Variants in ATP6V1D observed in about 807,000 individuals in gnomAD.
ATP6V1D encodes the protein V-type proton ATPase subunit D.
A neutral mutation model predicts 39.4 loss-of-function variants in ATP6V1D; 20 were observed. The ratio of observed to expected loss-of-function variants is 0.51; its 90% CI spans 0.36 to 0.74. The LOEUF is 0.74. Among genes scored for constraint, ATP6V1D ranks in the 30% least tolerant of loss-of-function variants. The pLI is 0.00. For synonymous variants in ATP6V1D, 100 were observed against 100.5 expected (o/e 0.99, Z 0.03); for missense variants, 228 against 291.6 (o/e 0.78, Z 1.59).
At chr14:67,353,513 A>C (rs980088597) in intron 1 of ATP6V1D, among the ~76,000 whole-genome samples, 2 of 151,888 alleles carry the variant, frequency 1.3e-5, no homozygotes, top group African/African-American at 4.8e-5. Context: ...TTTGAGATGG[A>C]GTCTCACTGT....
At chr14:67,354,398 TAATA>T (rs2085672792) in intron 1 of ATP6V1D, among the ~76,000 whole-genome samples, 3 of 152,230 alleles carry the variant, frequency 2.0e-5, no homozygotes, top group African/African-American at 7.2e-5. Flanking sequence ...ATCTATCCAC[TAATA>T]TATATCAAAA....
intron 3 of ATP6V1D, 53 bp from the exon 4 acceptor site, chr14:67,349,157 C>T (rs1337862464): frequency 6.5e-7 from 1 of 1,527,644 alleles, no homozygotes; most frequent in Non-Finnish European, 9.1e-7. Context: ...AATAAACCTA[C>T]AGGGACCCAC....
At chr14:67,341,677 G>C (rs886478905) in intron 7 of ATP6V1D, among the ~76,000 whole-genome samples, 26 of 152,346 alleles carry the variant, frequency 1.7e-4, no homozygotes, top group African/African-American at 5.8e-4. Flanking sequence ...ACCCCGTCTG[G>C]GAGGTGTACC....
chr14:67,340,164 T>A (rs953654125), intron 8 of ATP6V1D: 9 of 331,312 alleles, frequency 2.7e-5, no homozygotes, highest in African/African-American at 1.9e-4. Flanking sequence ...CTACTGCATT[T>A]GACTATCTTA....
At chr14:67,339,856 T>C (rs1417643198) in intron 8 of ATP6V1D, among the ~76,000 whole-genome samples, 3 of 152,134 alleles carry the variant, frequency 2.0e-5, no homozygotes, top group African/African-American at 7.2e-5. Context: ...CCCAGCACTT[T>C]GGCAGGCCAA....
At chr14:67,350,469 G>A (rs2085648524) in intron 3 of ATP6V1D, 142 bp downstream of exon 3, 3 of 600,084 alleles carry the variant, frequency 5.0e-6, no homozygotes, top group Non-Finnish European at 8.3e-6. Flanking sequence ...TTAAGGTGAT[G>A]GGGTTAAAAG....
intron 7 of ATP6V1D, among the ~76,000 whole-genome samples, chr14:67,342,874 A>C (rs1299230489): frequency 6.6e-6 from 1 of 152,138 alleles, no homozygotes; most frequent in Non-Finnish European, 1.5e-5. Context: ...TATTGAGCAA[A>C]AAGTACCATC....
rs2085714615 is a variant in ATP6V1D at position 67,359,647 on chromosome 14, C to T, written c.41+11G>A. ...ACCTGTGAAAGCGGCTTATCCCATT[C>T]CTTTACTTACATTCGCGAGGGAAAG... On this transcript the variant is annotated intron_variant, in intron 1 of 8. Transcript: ENST00000216442. 2 of 1,613,970 alleles carry T rather than the reference C, an allele frequency of 1.2e-6. No homozygotes were observed. Among genetic ancestry groups the T allele is most frequent in the Admixed American group, 1.7e-5 (1 of 59,996 alleles).
At position 67,338,333 on chromosome 14, in the gene ATP6V1D, T is replaced by C. The variant is rs1214614758; in HGVS notation, c.*288A>G. 3.9e-6 allele frequency: 1 copy of C among 257,988 alleles called. No individual in the cohort carries two copies. Among genetic ancestry groups the C allele is most frequent in the African/African-American group, 2.2e-5 (1 of 45,068 alleles). 16.0% of individuals were successfully genotyped at this position (257,988 alleles called of 1,614,324 possible). On this transcript the variant is annotated 3_prime_UTR_variant, in exon 9 of 9. Coordinates refer to ENST00000216442, the MANE Select transcript of ATP6V1D (RefSeq NM_015994.4). ...CCTAAGAGGTATTTCCTAATATGCT[T>C]GGTAAGCAGATCACGTGTAACACAG...
At position 67,338,408 on chromosome 14, in the gene ATP6V1D, C is replaced by T. The variant is rs2085555554; in HGVS notation, c.*213G>A. On this transcript the variant is annotated 3_prime_UTR_variant, in exon 9 of 9. Transcript: ENST00000216442. The stretch of plus-strand genomic sequence containing the variant: ...TCTGCAAAGTAAATTCTGTAAGTTC[C>T]TGGGCAGGTTTTACAGATCTCTTTC... 1 of 504,042 alleles carries T rather than the reference C, an allele frequency of 2.0e-6. No homozygotes were observed. The highest frequency in any genetic ancestry group is 3.6e-5 in the Admixed American group (1 of 27,616). The allele number at this position is 504,042 out of a possible 1,614,324, so 31.2% of individuals were successfully genotyped here.
intron 7 of ATP6V1D, among the ~76,000 whole-genome samples, chr14:67,340,909 C>T (rs960015232): frequency 4.6e-5 from 7 of 152,262 alleles, no homozygotes; most frequent in Admixed American, 1.3e-4. Context: ...CTCCTAACTG[C>T]GAGTGATCCG....
At chr14:67,359,632 G>A (rs371366480) in intron 1 of ATP6V1D, 26 bp downstream of exon 1, 155 of 1,613,604 alleles carry the variant, frequency 9.6e-5, no homozygotes, top group Non-Finnish European at 1.2e-4. Flanking sequence ...ACCTGTGAAA[G>A]CGGCTTATCC....
chr14:67,351,748 T>G (rs569172003), intron 2 of ATP6V1D, among the ~76,000 whole-genome samples: 11 of 152,200 alleles, frequency 7.2e-5, no homozygotes, highest in African/African-American at 2.2e-4. Flanking sequence ...CTCAAATTCC[T>G]GGGCTCAAAC....
Position 67,347,448 on chromosome 14 carries a change from T to C in ATP6V1D, c.313A>G (p.Thr105Ala). 2.5e-6 allele frequency: 4 copies of C among 1,607,004 alleles called. No homozygotes were observed. Among genetic ancestry groups the C allele is most frequent in the Non-Finnish European group, 3.4e-6 (4 of 1,174,736 alleles). ...TGGTAATGTTCAAATACTGGCAAAG[T>C]AACACCTGTTAAACACAGAAGCATA... Reference protein sequence around the residue: ...RAKKDNVAGVTLPVFEHYHEG... With the variant: ...RAKKDNVAGVALPVFEHYHEG... The change falls in exon 5 of 9, where the codon ACT becomes GCT. Residue 105 changes from threonine (T) to alanine (A), a missense_variant. Physicochemically the swap from Thr to Ala is moderately conservative, Grantham distance 58 (BLOSUM62 0). This residue lies in a region of ATP6V1D where 10 missense variants were observed against 43.0 expected (regional missense o/e 0.23). Coordinates refer to ENST00000216442, the MANE Select transcript of ATP6V1D (RefSeq NM_015994.4).
At chr14:67,339,533 G>A (rs561696288) in intron 8 of ATP6V1D, among the ~76,000 whole-genome samples, 2 of 152,100 alleles carry the variant, frequency 1.3e-5, no homozygotes, top group South Asian at 2.1e-4. Flanking sequence ...TCTCTGAACC[G>A]AGTATACAGA....
chr14:67,348,178 G>T (rs903742330), intron 4 of ATP6V1D, among the ~76,000 whole-genome samples: 1 of 151,954 alleles, frequency 6.6e-6, no homozygotes, highest in African/African-American at 2.4e-5. Flanking sequence ...GGGTCCAAGT[G>T]AGTCTCCTGC....
intron 8 of ATP6V1D, among the ~76,000 whole-genome samples, chr14:67,339,836 T>C (rs903006544): frequency 1.3e-5 from 2 of 152,130 alleles, no homozygotes; most frequent in African/African-American, 2.4e-5. Flanking sequence ...CGGTGGCTCA[T>C]GCGTGTAATC....
At chr14:67,351,671 G>A (rs2085654220) in intron 2 of ATP6V1D, among the ~76,000 whole-genome samples, 2 of 151,856 alleles carry the variant, frequency 1.3e-5, no homozygotes, top group African/African-American at 4.8e-5. Flanking sequence ...ACCACACTCT[G>A]CTAATTTTCT....
chr14:67,348,953 T>A, intron 4 of ATP6V1D, 84 bp downstream of exon 4: 1 of 1,297,696 alleles, frequency 7.7e-7, no homozygotes, highest in Non-Finnish European at 1.1e-6. Flanking sequence ...AACTAGGACA[T>A]TAAGATCTTG....
Sources: gnomAD v4.1 joint callset for allele counts (sites outside exome capture counted in the v4.1 genomes callset) on GRCh38, gnomAD v4.1.1 for gene constraint, gnomAD v4.1.1 regional missense constraint, MANE v1.5 for transcripts, NCBI Gene and HGNC (gene_info 2026-07-23, HGNC 2026-07-21) for gene names.